The following PLEKHM3 variants were observed in gnomAD, a reference collection of about 807,000 sequenced individuals.
PLEKHM3 encodes pleckstrin homology domain-containing family M member 3.
PLEKHM3 carries 45 observed loss-of-function variants against 81.8 expected under a neutral mutation model. The observed-to-expected ratio is 0.55, with a 90% CI of 0.43 to 0.71. The LOEUF is 0.71. Among genes scored for constraint, PLEKHM3 ranks in the 30% least tolerant of loss-of-function variants. The probability of loss-of-function intolerance (pLI) is 0.00; values close to 1 mark genes in which losing one functional copy is unlikely to be tolerated. For missense variants in PLEKHM3, 788 were observed against 924.3 expected (o/e 0.85, Z 1.91); for synonymous variants, 352 against 356.4 (o/e 0.99, Z 0.14).
At chr2:207,897,491 G>C (rs1428196491) in intron 6 of PLEKHM3, among the ~76,000 whole-genome samples, 1 of 152,234 alleles carries the variant, frequency 6.6e-6, no homozygotes. Flanking sequence ...AACAACCTTC[G>C]GGGGCAGGTA....
intron 6 of PLEKHM3, among the ~76,000 whole-genome samples, chr2:207,893,527 A>T (rs575526928): frequency 3.3e-5 from 5 of 152,322 alleles, no homozygotes; most frequent in African/African-American, 1.2e-4. Context: ...TAGGGGATGG[A>T]TGCTAGCAGA....
At chr2:207,920,660 T>C (rs1235816319) in intron 5 of PLEKHM3, among the ~76,000 whole-genome samples, 1 of 152,112 alleles carries the variant, frequency 6.6e-6, no homozygotes, top group African/African-American at 2.4e-5. Context: ...CCTATTTTTT[T>C]TTTTTTTTTA....
At chr2:207,841,483 ATAT>A (rs1559203222) in intron 7 of PLEKHM3, among the ~76,000 whole-genome samples, 5 of 38,712 alleles carry the variant, frequency 1.3e-4, no homozygotes, top group African/African-American at 5.4e-4. Flanking sequence ...AAAAAAAAAT[ATAT>A]ATATATATAT....
At chr2:207,915,856 T>G (rs1688975293) in intron 5 of PLEKHM3, among the ~76,000 whole-genome samples, 1 of 152,182 alleles carries the variant, frequency 6.6e-6, no homozygotes, top group South Asian at 2.1e-4. Context: ...TATATTAAGT[T>G]GAGATGGCCA....
At chr2:207,946,596 G>T in intron 3 of PLEKHM3, 84 bp from the exon 4 acceptor site, 2 of 1,494,752 alleles carry the variant, frequency 1.3e-6, no homozygotes, top group Non-Finnish European at 1.8e-6. Flanking sequence ...TAACATCACA[G>T]AACAAGGTTA....
chr2:207,945,547 T>C (rs1690093175), intron 4 of PLEKHM3, among the ~76,000 whole-genome samples: 1 of 152,166 alleles, frequency 6.6e-6, no homozygotes, highest in African/African-American at 2.4e-5. Flanking sequence ...TGGTTCTAGT[T>C]CCAAAGGCCT....
chr2:207,901,810 C>A (rs764233439), intron 6 of PLEKHM3, among the ~76,000 whole-genome samples: 16 of 152,180 alleles, frequency 1.1e-4, no homozygotes, highest in Non-Finnish European at 1.3e-4. Context: ...GTTGGAAGAG[C>A]CGTGGCTAAA....
intron 2 of PLEKHM3, among the ~76,000 whole-genome samples, chr2:207,993,040 T>C (rs1003123161): frequency 4.6e-5 from 7 of 152,146 alleles, no homozygotes; most frequent in African/African-American, 1.7e-4. Flanking sequence ...CAAAGTGACA[T>C]GAAAAGATTT....
chr2:207,950,890 C>CAAGA (rs1288843899), intron 3 of PLEKHM3, among the ~76,000 whole-genome samples: 1 of 152,216 alleles, frequency 6.6e-6, no homozygotes, highest in Admixed American at 6.5e-5. Flanking sequence ...ATCCTATTCA[C>CAAGA]TTTAAAAAGA....
chr2:207,982,311 C>A (rs1257502844), intron 2 of PLEKHM3, among the ~76,000 whole-genome samples: 1 of 150,232 alleles, frequency 6.7e-6, no homozygotes, highest in Non-Finnish European at 1.5e-5. Context: ...ACTCTGTCAC[C>A]CAGGCTGGAC....
In PLEKHM3 at chr2:207,997,414, C is replaced by T. The variant is rs534005287; in HGVS notation, c.610+3616G>A. On this transcript the variant is annotated intron_variant, in intron 2 of 7. Coordinates refer to ENST00000427836, the MANE Select transcript of PLEKHM3 (RefSeq NM_001080475.3). ...GAGGAGGGTAGGAGGAAGGAGCAGA[C>T]GAGGGAAGAAGCACTTCCAATAAGG... 4.6e-5 allele frequency among the ~76,000 whole-genome samples: 7 copies of T among 152,082 alleles called. No individual in the cohort carries two copies. In the East Asian group the frequency reaches 5.8e-4, roughly 13 times the overall value.
chr2:207,843,107 T>C lies in PLEKHM3; in HGVS notation c.2109-14611A>G, dbSNP rs1391278378. On this transcript the variant is annotated intron_variant, in intron 7 of 7. Transcript: ENST00000427836. The surrounding 1 kb of genome is among the most constrained non-coding windows in gnomAD (Gnocchi z 4.4). ...CTAAAGCTACGGGTGCACACCACCA[T>C]AGCTGGCTCATTTTGTATTTTTTGG... 6.6e-6 allele frequency among the ~76,000 whole-genome samples: 1 copy of C among 152,128 alleles called. No homozygotes were observed. Among genetic ancestry groups the C allele is most frequent in the East Asian group, 1.9e-4 (1 of 5,194 alleles).
At chr2:208,019,049 C>T (rs1479334551) in intron 1 of PLEKHM3, among the ~76,000 whole-genome samples, 1 of 151,768 alleles carries the variant, frequency 6.6e-6, no homozygotes, top group East Asian at 1.9e-4. Context: ...CCTGTAATCC[C>T]AGCACTTTGG....
At chr2:207,884,116 T>C (rs1441792317) in intron 6 of PLEKHM3, among the ~76,000 whole-genome samples, 2 of 151,938 alleles carry the variant, frequency 1.3e-5, no homozygotes, top group South Asian at 2.1e-4. Context: ...CTGGGCAACA[T>C]AGCGAGACCC....
rs1314890555 is a variant in PLEKHM3, at chr2:207,865,797, A to T, written c.1951-4535T>A. Among the ~76,000 whole-genome samples the T allele has an allele frequency of 5.9e-3, 224 of 38,070 alleles. 13 individuals carry two copies. The highest frequency in any genetic ancestry group is 0.029 in the African/African-American group (211 of 7,402). The allele number at this position is 38,070 out of a possible 152,430, so 25.0% of individuals were successfully genotyped here. A position where few individuals can be genotyped will look rare whatever the true frequency, so the allele number is the denominator to read the frequency against. ...ACTCCGACTCAAAAAAAAAAAAAAAAAAAAAGATATATATATATATATATA... is the reference window on the plus strand; with the variant it reads ...ACTCCGACTCAAAAAAAAAAAAAAATAAAAAGATATATATATATATATATA... On this transcript the variant is annotated intron_variant, in intron 6 of 7. Coordinates refer to ENST00000427836, the MANE Select transcript of PLEKHM3 (RefSeq NM_001080475.3).
At chr2:207,962,342 A>G (rs1008740381) in intron 3 of PLEKHM3, among the ~76,000 whole-genome samples, 2 of 152,210 alleles carry the variant, frequency 1.3e-5, no homozygotes, top group Non-Finnish European at 2.9e-5. Flanking sequence ...ATTGATGATC[A>G]TAACAATTTG....
chr2:208,023,864 T>C (rs1223458788), intron 1 of PLEKHM3, among the ~76,000 whole-genome samples: 1 of 94,432 alleles, frequency 1.1e-5, no homozygotes, highest in Non-Finnish European at 3.1e-5. Flanking sequence ...ATTTTTATTT[T>C]ATATATTTAT....
intron 1 of PLEKHM3, among the ~76,000 whole-genome samples, chr2:208,017,966 A>G (rs926070612): frequency 2.0e-5 from 3 of 151,726 alleles, no homozygotes; most frequent in Admixed American, 2.0e-4. Flanking sequence ...CATATCGTAA[A>G]TGTGGGTATT....
intron 3 of PLEKHM3, among the ~76,000 whole-genome samples, chr2:207,961,771 A>G (rs1284806140): frequency 6.6e-6 from 1 of 152,148 alleles, no homozygotes; most frequent in Admixed American, 6.5e-5. Flanking sequence ...TGGTCCCAGA[A>G]GCACCCAAAA....
Sources: allele counts gnomAD v4.1 joint callset (sites outside exome capture counted in the v4.1 genomes callset), GRCh38; gene constraint gnomAD v4.1.1; non-coding constraint Gnocchi (gnomAD v3.1); transcripts MANE v1.5; gene names NCBI Gene and HGNC (gene_info 2026-07-23, HGNC 2026-07-21).